The following POLR2F variants were observed in gnomAD, a reference collection of about 807,000 sequenced individuals.
POLR2F encodes RNA polymerase II, I and III subunit F.
POLR2F carries 12 observed loss-of-function variants against 22.7 expected under a neutral mutation model. That is an observed-to-expected ratio of 0.53 (90% CI 0.34 to 0.86). The LOEUF is 0.86. POLR2F is among the 40% of genes least tolerant of loss of function. POLR2F has a pLI of 0.02. For missense variants in POLR2F, 126 were observed against 171.5 expected, an observed-to-expected ratio of 0.73 and a Z score of 1.48; for synonymous variants, 57 against 66.0, an observed-to-expected ratio of 0.86 and a Z score of 0.66.
chr22:37,968,607 AC>A lies in POLR2F; in HGVS notation c.*894del. ...TTCCTTTCTCCACCCTGCTTACCCA[AC>A]CTGAGGTAAGACCAGTCACACTGGC... On this transcript the variant is annotated 3_prime_UTR_variant, in exon 5 of 5. Coordinates refer to ENST00000442738, the MANE Select transcript of POLR2F (RefSeq NM_021974.5). 5 of 985,502 alleles carry A rather than the reference AC, an allele frequency of 5.1e-6. No homozygotes were observed. Among genetic ancestry groups the A allele is most frequent in the Non-Finnish European group, 6.0e-6 (5 of 830,032 alleles). The allele number at this position is 985,502 out of a possible 1,614,324, so 61.0% of individuals were successfully genotyped here.
At chr22:37,975,025 C>T (rs575911736) in intron 4 of POLR2F, among the ~76,000 whole-genome samples, 1 of 152,316 alleles carries the variant, frequency 6.6e-6, no homozygotes, top group African/African-American at 2.4e-5. Context: ...CCCTTAGCCC[C>T]GTCATACGCT....
At position 37,980,947 on chromosome 22, in the gene POLR2F, C is replaced by T. The variant is rs1310309631; in HGVS notation, c.293+13777C>T. On this transcript the variant is annotated intron_variant, in intron 4 of 4. Transcript: ENST00000405557. The surrounding 1 kb of genome is among the most constrained non-coding windows in gnomAD (Gnocchi z 4.1). ...CACAGGAGGGACTCTTGCCTGTGTC[C>T]GCCTTTCCAGTTTCTTGGCTCTGGT... Among the ~76,000 whole-genome samples the T allele has an allele frequency of 6.6e-6, 1 of 152,190 alleles. No individual in the cohort carries two copies. The highest frequency in any genetic ancestry group is 2.4e-5 in the African/African-American group (1 of 41,444).
rs770833455 is a variant in POLR2F, at chr22:37,956,878, C to T, written c.90+36C>T. 12 of 1,508,930 alleles carry T rather than the reference C, an allele frequency of 8.0e-6. No individual in the cohort carries two copies. In the East Asian group the frequency reaches 2.5e-4, roughly 31 times the overall value. 93.5% of individuals were successfully genotyped at this position (1,508,930 alleles called of 1,614,324 possible). ...AGCCTCAGGCTCCCACCTCTGCAGC[C>T]CAAGCTGCCAAATCGTCTGACAGGT... On this transcript the variant is annotated intron_variant, in intron 2 of 4. Coordinates refer to ENST00000442738, the MANE Select transcript of POLR2F (RefSeq NM_021974.5).
At chr22:37,972,128 G>C, downstream of POLR2F, 1 of 370,110 alleles carries the variant, frequency 2.7e-6, no homozygotes, top group Admixed American at 3.1e-5. Flanking sequence ...AGAAGGGAGG[G>C]GGGAGAGAGA....
intron 5 of POLR2F, among the ~76,000 whole-genome samples, chr22:38,037,439 ATTTTTTT>A (rs10624395): frequency 2.4e-5 from 3 of 124,206 alleles, no homozygotes; most frequent in Non-Finnish European, 4.9e-5. Context: ...ATGCTCGGCT[ATTTTTTT>A]TTTTTTTTTG....
intron 1 of POLR2F, 104 bp from the exon 2 acceptor site, chr22:37,956,669 A>G: frequency 1.1e-6 from 1 of 922,370 alleles, no homozygotes. Context: ...CGCCCACTTC[A>G]ATCTCCGAAA....
At chr22:37,969,533 G>A (rs745314746), downstream of POLR2F, among the ~76,000 whole-genome samples, 2 of 152,142 alleles carry the variant, frequency 1.3e-5, no homozygotes, top group Non-Finnish European at 2.9e-5. Flanking sequence ...CTCATGAGAT[G>A]TGGGGTCTTG....
chr22:37,974,299 G>T, downstream of POLR2F: 1 of 879,602 alleles, frequency 1.1e-6, no homozygotes, highest in Non-Finnish European at 1.8e-6. The surrounding 1 kb of genome is among the most constrained non-coding windows in gnomAD (Gnocchi z 5.4). Flanking sequence ...GGCAGCGGGT[G>T]CCTCTGGGAA....
At chr22:37,970,358 T>C (rs935413648), downstream of POLR2F, among the ~76,000 whole-genome samples, 4 of 147,976 alleles carry the variant, frequency 2.7e-5, no homozygotes, top group African/African-American at 1.0e-4. Context: ...ATCCCAGCAC[T>C]TTAGGAGGCC....
intron 2 of POLR2F, among the ~76,000 whole-genome samples, chr22:37,958,986 A>AT (rs1001909351): frequency 5.3e-5 from 8 of 151,952 alleles, no homozygotes; most frequent in African/African-American, 1.9e-4. Context: ...GCTTAGGGTA[A>AT]TTTTTTTGTG....
chr22:38,009,782 G>A (rs1012530816), intron 1 of POLR2F, among the ~76,000 whole-genome samples: 4 of 152,120 alleles, frequency 2.6e-5, no homozygotes, highest in Admixed American at 2.0e-4. Context: ...TCGTTTTTGT[G>A]TGTGGTCTGG....
chr22:38,011,151 G>C (rs750773722), intron 1 of POLR2F, among the ~76,000 whole-genome samples: 1 of 152,060 alleles, frequency 6.6e-6, no homozygotes, highest in Non-Finnish European at 1.5e-5. Flanking sequence ...ACTCAGGCTG[G>C]AGTGCAGTGG....
At position 37,974,633 on chromosome 22, in the gene POLR2F, A is replaced by G. The variant is rs1301435904; in HGVS notation, c.293+7463A>G. On this transcript the variant is annotated intron_variant, in intron 4 of 4. Coordinates refer to the POLR2F transcript ENST00000405557. The surrounding 1 kb of genome is among the most constrained non-coding windows in gnomAD (Gnocchi z 5.4). ...CTCCCAAAGTGCTGGGATTACCATC[A>G]TGAGCCACTGCGCCCCACAGCATTT... Among the ~76,000 whole-genome samples the G allele has an allele frequency of 6.6e-6, 1 of 152,162 alleles. No individual in the cohort carries two copies. The highest frequency in any genetic ancestry group is 1.5e-5 in the Non-Finnish European group (1 of 68,038).
chr22:38,031,141 C>T (rs924020069), downstream of POLR2F, among the ~76,000 whole-genome samples: 2 of 152,098 alleles, frequency 1.3e-5, no homozygotes, highest in Non-Finnish European at 2.9e-5. This position sits in a 1 kb window ranked among gnomAD's most constrained non-coding sequence, Gnocchi z 4.1. Flanking sequence ...GCCTCAGCTC[C>T]AGCACACCTC....
intron 3 of POLR2F, among the ~76,000 whole-genome samples, chr22:37,966,355 A>C (rs1931851570): frequency 6.6e-6 from 1 of 151,544 alleles, no homozygotes; most frequent in Non-Finnish European, 1.5e-5. Flanking sequence ...CTCTGGCCTG[A>C]TAGCCAAGGG....
chr22:37,979,373 T>C (rs978920595), intron 4 of POLR2F, among the ~76,000 whole-genome samples: 7 of 152,096 alleles, frequency 4.6e-5, no homozygotes, highest in African/African-American at 9.6e-5. Flanking sequence ...GCTGAGATTA[T>C]AGGCATGAGC....
chr22:38,011,336 A>G (rs1292883298), intron 1 of POLR2F, among the ~76,000 whole-genome samples: 1 of 151,208 alleles, frequency 6.6e-6, no homozygotes, highest in Non-Finnish European at 1.5e-5. Flanking sequence ...AACTCCTGGG[A>G]TCAAGTAATC....
chr22:37,959,224 C>T, intron 2 of POLR2F, 122 bp from the exon 3 acceptor site: 1 of 926,280 alleles, frequency 1.1e-6, no homozygotes, highest in South Asian at 1.5e-5. Flanking sequence ...TATGTGGTCC[C>T]CTGGCATGCA....
chr22:38,009,231 C>T (rs1163632873), intron 1 of POLR2F, among the ~76,000 whole-genome samples: 3 of 152,306 alleles, frequency 2.0e-5, no homozygotes, highest in Admixed American at 6.5e-5. Context: ...GCTCGTACTC[C>T]AAGGGCAGTG....
Sources: allele counts gnomAD v4.1 joint callset (sites outside exome capture counted in the v4.1 genomes callset), GRCh38; gene constraint gnomAD v4.1.1; non-coding constraint Gnocchi (gnomAD v3.1); transcripts MANE v1.5; gene names NCBI Gene and HGNC (gene_info 2026-07-23, HGNC 2026-07-21).